The following EPG5 variants were observed in gnomAD, a reference collection of about 807,000 sequenced individuals.
EPG5 encodes the protein ectopic P-granules 5 autophagy tethering factor.
In EPG5, 159 loss-of-function variants were observed where a neutral mutation model predicts 302.7. That is an observed-to-expected ratio of 0.53 (90% CI 0.46 to 0.60). The LOEUF is 0.60. Ranked by LOEUF, EPG5 falls within the 20% of genes least tolerant of loss-of-function variation. EPG5 has a pLI of 0.00. For missense variants in EPG5, 2,896 were observed against 3,092.4 expected (o/e 0.94, Z 1.51); for synonymous variants, 1,158 against 1,136.8 (o/e 1.02, Z -0.37).
chr18:45,908,873 C>T (rs989432658), intron 23 of EPG5, among the ~76,000 whole-genome samples: 24 of 151,528 alleles, frequency 1.6e-4, no homozygotes, highest in Admixed American at 1.5e-3. Flanking sequence ...CACTTGAACC[C>T]GGAAGGCAGA....
At chr18:45,923,609 C>A (rs973255110) in intron 14 of EPG5, among the ~76,000 whole-genome samples, 2 of 152,212 alleles carry the variant, frequency 1.3e-5, no homozygotes, top group Non-Finnish European at 1.5e-5. Flanking sequence ...CCTGACTTAA[C>A]CCCTACTCCA....
intron 24 of EPG5, among the ~76,000 whole-genome samples, chr18:45,906,341 T>C (rs891822631): frequency 6.6e-6 from 1 of 152,220 alleles, no homozygotes; most frequent in Non-Finnish European, 1.5e-5. Flanking sequence ...TAGAAAAGTA[T>C]ACATGGCCCT....
At chr18:45,953,271 A>G (rs1455632727) in intron 2 of EPG5, 37 of 982,610 alleles carry the variant, frequency 3.8e-5, no homozygotes, top group Non-Finnish European at 4.4e-5. Context: ...TTTTATGAAT[A>G]TGAAGCCAAT....
At chr18:45,915,919 G>T in intron 19 of EPG5, 90 bp downstream of exon 19, 2 of 1,174,920 alleles carry the variant, frequency 1.7e-6, no homozygotes, top group Non-Finnish European at 1.2e-6. Flanking sequence ...CCACAGAGTA[G>T]AACTGAAAAC....
At chr18:45,919,439 A>G (rs569092936) in intron 16 of EPG5, among the ~76,000 whole-genome samples, 1 of 152,316 alleles carries the variant, frequency 6.6e-6, no homozygotes, top group South Asian at 2.1e-4. Flanking sequence ...TCGAGAAATC[A>G]TAAAACACTT....
At position 45,860,328 on chromosome 18, in the gene EPG5, C is replaced by A. The variant is rs375960377; in HGVS notation, c.6785G>T (p.Arg2262Leu). 1.7e-5 allele frequency: 28 copies of A among 1,614,102 alleles called. No individual in the cohort carries two copies. Among genetic ancestry groups the A allele is most frequent in the Non-Finnish European group, 2.4e-5 (28 of 1,180,046 alleles). The stretch of plus-strand genomic sequence containing the variant: ...AAAGAGGCTGCTGAGGGCCATGTGG[C>A]GGGTCTGGCTGTCCATGTCTGAAAG... ...FNPPDMDSQT[R>L]HMALSSLFME... The change falls in exon 40 of 44, where the codon CGC becomes CTC. Residue 2262 changes from arginine (R) to leucine (L), a missense_variant. Arg to Leu is a moderately radical substitution (Grantham distance 102). This residue lies in a region of EPG5 where 620 missense variants were observed against 704.2 expected (regional missense o/e 0.88). Coordinates refer to ENST00000282041, the MANE Select transcript of EPG5 (RefSeq NM_020964.3).
the EPG5 span, among the ~76,000 whole-genome samples, chr18:45,829,894 C>T: frequency 6.6e-6 from 1 of 152,186 alleles, no homozygotes; most frequent in Non-Finnish European, 1.5e-5. Context: ...TAAAGCCCAC[C>T]CCAGCAGACC....
At chr18:45,880,054 C>A in intron 32 of EPG5, 21 bp downstream of exon 32, 1 of 1,528,348 alleles carries the variant, frequency 6.5e-7, no homozygotes, top group Non-Finnish European at 8.8e-7. Flanking sequence ...ACAAACACGT[C>A]AGAGACCAAA....
intron 27 of EPG5, among the ~76,000 whole-genome samples, chr18:45,897,669 T>C (rs1055510816): frequency 6.6e-6 from 1 of 152,154 alleles, no homozygotes; most frequent in Non-Finnish European, 1.5e-5. Context: ...TACGGGAAAA[T>C]AAGTTGGACT....
At chr18:45,910,869 C>T in intron 22 of EPG5, 127 bp from the exon 23 acceptor site, 1 of 644,038 alleles carries the variant, frequency 1.6e-6, no homozygotes, top group South Asian at 2.1e-5. Context: ...AAATTAACAC[C>T]TATTATTTCT....
Position 45,899,411 on chromosome 18 carries a change from G to T in EPG5, c.4802C>A (p.Thr1601Lys). 3 of 1,614,102 alleles carry T rather than the reference G, an allele frequency of 1.9e-6. No homozygotes were observed. Among genetic ancestry groups the T allele is most frequent in the Non-Finnish European group, 2.5e-6 (3 of 1,180,012 alleles). Residue 1601 changes from threonine to lysine, a missense_variant, in exon 27 of 44, where the codon ACG becomes AAG. By Grantham distance (78) the Thr-to-Lys change is moderately conservative. Around this residue, in one of 5 missense-constraint regions of EPG5, gnomAD observed 790 missense variants for 798.0 expected, o/e 0.99. Coordinates refer to ENST00000282041, the MANE Select transcript of EPG5 (RefSeq NM_020964.3). ...AGAAATTTAAACACTTACCTGAACC[G>T]TGACAACTGCGGCTCCTTGGCATTT... ...GKKCQGAAVV[T>K]VQFEGMHKNE...
chr18:45,944,095 T>G lies in EPG5; in HGVS notation c.1702A>C (p.Ile568Leu), dbSNP rs1302366422. 6.2e-7 allele frequency: 1 copy of G among 1,613,320 alleles called. No individual in the cohort carries two copies. Among genetic ancestry groups the G allele is most frequent in the Non-Finnish European group, 8.5e-7 (1 of 1,179,338 alleles). The change falls in exon 8 of 44, where the codon ATT (isoleucine) becomes CTT (leucine). Residue 568 changes from isoleucine to leucine, a missense_variant. By Grantham distance (5) the Ile-to-Leu change is conservative. Transcript: ENST00000282041. Reference sequence around the variant, plus strand: ...ACCAAATCATCTTCATTAAGGAGAATCCAACTGGTCTCAGGGTCTTCATCC... The same window carrying G: ...ACCAAATCATCTTCATTAAGGAGAAGCCAACTGGTCTCAGGGTCTTCATCC... ...EEDEDPETSW[I>L]LLNEDDLVTI...
intron 3 of EPG5, 129 bp downstream of exon 3, chr18:45,952,271 C>G: frequency 9.2e-7 from 1 of 1,091,468 alleles, no homozygotes; most frequent in Non-Finnish European, 1.3e-6. Flanking sequence ...GTGGGGGAGG[C>G]CTGGTAAAAC....
At chr18:45,840,384 G>A in the EPG5 span, 1 of 904,980 alleles carries the variant, frequency 1.1e-6, no homozygotes, top group Non-Finnish European at 1.6e-6. Context: ...CTTCCTTGCA[G>A]CCCACCAAGG....
intron 1 of EPG5, among the ~76,000 whole-genome samples, chr18:45,957,309 T>C (rs7227347): frequency 0.12 from 18,049 of 152,214 alleles, 1,449 homozygotes; most frequent in African/African-American, 0.23. Context: ...CCAAATTACT[T>C]CACTCCCCAC....
chr18:45,916,626 C>A (rs2145717725), intron 17 of EPG5, 44 bp from the exon 18 acceptor site: 1 of 1,525,842 alleles, frequency 6.6e-7, no homozygotes, highest in Non-Finnish European at 8.9e-7. Context: ...CCGATCAGAA[C>A]TCAACAGAAT....
At chr18:45,853,285 T>C (rs1431907583) in intron 43 of EPG5, among the ~76,000 whole-genome samples, 1 of 152,214 alleles carries the variant, frequency 6.6e-6, no homozygotes, top group Non-Finnish European at 1.5e-5. Context: ...CCCGAATCCA[T>C]CTGACAAATG....
chr18:45,837,125 T>C, the EPG5 span: 1 of 1,611,004 alleles, frequency 6.2e-7, no homozygotes, highest in Non-Finnish European at 8.5e-7. Flanking sequence ...CTCGGGGATC[T>C]TGGGAGTCTG....
rs1203870830 is a variant in EPG5, at chr18:45,948,573, T to C, written c.1501A>G (p.Lys501Glu). 6.2e-7 allele frequency: 1 copy of C among 1,613,258 alleles called. No individual in the cohort carries two copies. Among genetic ancestry groups the C allele is most frequent in the East Asian group, 2.2e-5 (1 of 44,880 alleles). Reference sequence around the variant, plus strand: ...ACCCCTGATGGGTTATGCAACACTTTGATCTGAAATCAGAAAAGCAAAAAG... The same window carrying C: ...ACCCCTGATGGGTTATGCAACACTTCGATCTGAAATCAGAAAAGCAAAAAG... Reference protein sequence around the residue: ...SKWAVPFIQIKVLHNPSGVFH... With the variant: ...SKWAVPFIQIEVLHNPSGVFH... Residue 501 changes from lysine (K) to glutamate (E), a missense_variant, in exon 6 of 44, where the codon AAA becomes GAA. Coordinates refer to ENST00000282041, the MANE Select transcript of EPG5 (RefSeq NM_020964.3).
Sources: gnomAD v4.1 joint callset for allele counts (sites outside exome capture counted in the v4.1 genomes callset) on GRCh38, gnomAD v4.1.1 for gene constraint, gnomAD v4.1.1 regional missense constraint, MANE v1.5 for transcripts, NCBI Gene and HGNC (gene_info 2026-07-23, HGNC 2026-07-21) for gene names.